ARHGAP29: variants seen among roughly 807,000 people sequenced by gnomAD.
The protein encoded by ARHGAP29 is rho GTPase-activating protein 29.
A neutral mutation model predicts 122.6 loss-of-function variants in ARHGAP29; 43 were observed. That is an observed-to-expected ratio of 0.35 (90% CI 0.27 to 0.45). ARHGAP29 has a LOEUF of 0.45. ARHGAP29 is among the 20% of genes least tolerant of loss of function. The pLI, the probability that ARHGAP29 is intolerant of heterozygous loss-of-function variation, is 1.00. For missense variants in ARHGAP29, 1,303 were observed against 1,477.2 expected (o/e 0.88, Z 1.93); for synonymous variants, 506 against 497.1 (o/e 1.02, Z -0.24).
the ARHGAP29 span, among the ~76,000 whole-genome samples, chr1:94,292,371 T>G: frequency 6.6e-6 from 1 of 152,304 alleles, no homozygotes; most frequent in East Asian, 1.9e-4. Context: ...TTTTCAAGGT[T>G]TTTAGCTTCC....
chr1:94,309,047 A>G, the ARHGAP29 span, among the ~76,000 whole-genome samples: 1 of 152,186 alleles, frequency 6.6e-6, no homozygotes, highest in Non-Finnish European at 1.5e-5. Flanking sequence ...CTGGGATCAC[A>G]TTCCCAAGTG....
At chr1:94,295,871 C>A in the ARHGAP29 span, among the ~76,000 whole-genome samples, 13 of 151,880 alleles carry the variant, frequency 8.6e-5, 1 homozygote, top group South Asian at 2.1e-3. Context: ...TTGTAGAGAA[C>A]CCTGAGGCAA....
upstream of ARHGAP29, among the ~76,000 whole-genome samples, chr1:94,242,250 C>T (rs984670114): frequency 1.3e-5 from 2 of 152,102 alleles, no homozygotes; most frequent in Non-Finnish European, 1.5e-5. Context: ...GAGAGACCTA[C>T]TGAACACCCC....
At chr1:94,204,937 G>C (rs1337149491) in intron 7 of ARHGAP29, 124 bp downstream of exon 7, 15 of 958,422 alleles carry the variant, frequency 1.6e-5, no homozygotes, top group Non-Finnish European at 1.6e-5. Flanking sequence ...TCTGGATAAT[G>C]GTTTTATTCA....
At chr1:94,245,403 A>G (rs1653755865) in intron 1 of ARHGAP29, among the ~76,000 whole-genome samples, 1 of 152,254 alleles carries the variant, frequency 6.6e-6, no homozygotes, top group Non-Finnish European at 1.5e-5. Context: ...TTACATATCC[A>G]TGACATAGGA....
intron 12 of ARHGAP29, among the ~76,000 whole-genome samples, chr1:94,198,587 C>T (rs1650616794): frequency 6.6e-6 from 1 of 152,126 alleles, no homozygotes; most frequent in Non-Finnish European, 1.5e-5. Context: ...ATAGCCCCCC[C>T]AAATAAACAC....
At chr1:94,189,528 T>G (rs578061045) in intron 13 of ARHGAP29, among the ~76,000 whole-genome samples, 176 bp from the exon 14 acceptor site, 20 of 152,274 alleles carry the variant, frequency 1.3e-4, no homozygotes, top group African/African-American at 4.6e-4. Context: ...GTAAATACTT[T>G]TTAATTATTT....
intron 19 of ARHGAP29, among the ~76,000 whole-genome samples, chr1:94,180,351 T>C (rs769282992): frequency 2.6e-5 from 4 of 152,200 alleles, no homozygotes; most frequent in Non-Finnish European, 5.9e-5. Flanking sequence ...AAAAGGTGAA[T>C]AAACTGAATT....
intron 14 of ARHGAP29, 39 bp downstream of exon 14, chr1:94,189,177 C>G: frequency 6.4e-7 from 1 of 1,565,046 alleles, no homozygotes; most frequent in Non-Finnish European, 8.6e-7. Flanking sequence ...ACAACCTGAC[C>G]TTTTATAAAT....
chr1:94,196,663 G>T (rs1306530460), intron 12 of ARHGAP29, among the ~76,000 whole-genome samples: 1 of 152,036 alleles, frequency 6.6e-6, no homozygotes, highest in African/African-American at 2.4e-5. Context: ...AAATTTAAGA[G>T]AAATGTAATC....
At chr1:94,204,137 T>C (rs893442303) in intron 7 of ARHGAP29, 143 bp from the exon 8 acceptor site, 20 of 510,858 alleles carry the variant, frequency 3.9e-5, no homozygotes, top group Non-Finnish European at 6.1e-5. Context: ...GCAATACTTC[T>C]TTCTTCCTTT....
chr1:94,231,195 T>C lies in ARHGAP29; in HGVS notation c.205+212A>G, dbSNP rs147951370. The stretch of plus-strand genomic sequence containing the variant: ...GATATTTTTCTTTTTTGTATTCTTA[T>C]TCCCTCACACTGAAGTTTCTATTAG... On this transcript the variant is annotated intron_variant, in intron 2 of 22. Transcript: ENST00000260526. Among the ~76,000 whole-genome samples the C allele has an allele frequency of 4.8e-3, 723 of 152,186 alleles. No homozygotes were observed. Among genetic ancestry groups the C allele is most frequent in the Non-Finnish European group, 7.4e-3 (500 of 67,920 alleles).
intron 1 of ARHGAP29, among the ~76,000 whole-genome samples, chr1:94,247,580 C>G (rs1653864295): frequency 6.6e-6 from 1 of 151,486 alleles, no homozygotes; most frequent in African/African-American, 2.4e-5. Flanking sequence ...CGCTCCATCC[C>G]GCGTCCCGGA....
rs1557893030 is a variant in ARHGAP29 at position 94,260,638 on chromosome 1, T to TG, written c.-33+14373dup. ...ATGCTTTGTAGGGGTATGGGGGACT[T>TG]GCTGTTGGTAGTAGGTAGAGAGATT... On this transcript the variant is annotated intron_variant and NMD_transcript_variant, in intron 1 of 25. Coordinates refer to the ARHGAP29 transcript ENST00000552844. 3.3e-5 allele frequency among the ~76,000 whole-genome samples: 5 copies of TG among 152,176 alleles called. No individual in the cohort carries two copies. In the South Asian group the frequency reaches 1.0e-3, roughly 32 times the overall value.
the ARHGAP29 span, among the ~76,000 whole-genome samples, chr1:94,305,421 G>A: frequency 4.6e-5 from 7 of 152,180 alleles, no homozygotes; most frequent in Non-Finnish European, 7.4e-5. Flanking sequence ...TGGTAGGAAC[G>A]CAAAGCACCA....
rs1648746791 is a variant in ARHGAP29, at chr1:94,171,690, T to G, written c.*2179A>C. ...GAAAGCATCTAGAGGCTTAAGGCTC[T>G]ACGCTGGACAAAGTGCCAGGGAGCC... On this transcript the variant is annotated 3_prime_UTR_variant, in exon 23 of 23. Transcript: ENST00000260526. 1.3e-5 allele frequency: 2 copies of G among 152,136 alleles called. No homozygotes were observed. Among genetic ancestry groups the G allele is most frequent in the African/African-American group, 4.8e-5 (2 of 41,388 alleles). 9.4% of individuals were successfully genotyped at this position (152,136 alleles called of 1,614,324 possible).
intron 20 of ARHGAP29, 83 bp from the exon 21 acceptor site, chr1:94,178,250 G>T: frequency 1.5e-6 from 2 of 1,361,466 alleles, no homozygotes; most frequent in Non-Finnish European, 2.0e-6. Flanking sequence ...TAGAGAGGGT[G>T]GAGGGAAAAT....
chr1:94,245,692 G>C (rs1653770293), intron 1 of ARHGAP29, among the ~76,000 whole-genome samples: 1 of 152,116 alleles, frequency 6.6e-6, no homozygotes, highest in African/African-American at 2.4e-5. Flanking sequence ...ATTATACCTT[G>C]GGCCCCATCA....
At chr1:94,183,940 A>T (rs1649634471) in intron 19 of ARHGAP29, among the ~76,000 whole-genome samples, 1 of 152,154 alleles carries the variant, frequency 6.6e-6, no homozygotes, top group Non-Finnish European at 1.5e-5. Flanking sequence ...CTATTTTCTT[A>T]AGGTGGGTGA....
Sources: allele counts gnomAD v4.1 joint callset (sites outside exome capture counted in the v4.1 genomes callset), GRCh38; gene constraint gnomAD v4.1.1; transcripts MANE v1.5; gene names NCBI Gene and HGNC (gene_info 2026-07-23, HGNC 2026-07-21).